HOGA1: variants seen among roughly 807,000 people sequenced by gnomAD.
The protein encoded by HOGA1 is 4-hydroxy-2-oxoglutarate aldolase 1, also known as 4-hydroxy-2-oxoglutarate aldolase, mitochondrial.
HOGA1 carries 30 observed loss-of-function variants against 34.3 expected under a neutral mutation model. The ratio of observed to expected loss-of-function variants is 0.87; its 90% confidence interval spans 0.65 to 1.19. HOGA1 has a LOEUF of 1.19. Among genes scored for constraint, HOGA1 ranks in the 50% most tolerant of loss-of-function variants. The probability of loss-of-function intolerance (pLI) is 0.00; values close to 1 mark genes in which losing one functional copy is unlikely to be tolerated. For missense variants in HOGA1, 417 were observed against 436.5 expected (o/e 0.96, Z 0.40); for synonymous variants, 161 against 174.0 (o/e 0.93, Z 0.59).
chr10:97,607,534 T>C (rs1235468014), intron 6 of HOGA1, among the ~76,000 whole-genome samples: 1 of 152,230 alleles, frequency 6.6e-6, no homozygotes, highest in Non-Finnish European at 1.5e-5. Flanking sequence ...GCTTGCTGAC[T>C]TCTTCAGCTC....
Position 97,612,018 on chromosome 10 carries a change from T to TA in HOGA1, c.*359_*360insA. 5.7e-6 allele frequency: 1 copy of TA among 176,742 alleles called. No individual in the cohort carries two copies. 10.9% of individuals were successfully genotyped at this position (176,742 alleles called of 1,614,324 possible). ...TAGGCACAGTAAGGGAATTTTCTTT[T>TA]CTTTTTTTTTTTTTTTGAGACAGAG... On this transcript the variant is annotated 3_prime_UTR_variant, in exon 7 of 7. Coordinates refer to ENST00000370646, the MANE Select transcript of HOGA1 (RefSeq NM_138413.4).
intron 5 of HOGA1, chr10:97,600,651 A>G (rs549163432): frequency 4.9e-6 from 1 of 205,232 alleles, no homozygotes; most frequent in East Asian, 1.2e-4. Context: ...TGTCACTTAG[A>G]TCAACTGCTC....
chr10:97,600,255 G>A (rs1040324329), intron 5 of HOGA1, 92 bp downstream of exon 5: 39 of 1,098,236 alleles, frequency 3.6e-5, no homozygotes, highest in African/African-American at 9.2e-5. Context: ...GGCTGGGGCT[G>A]GGTCTGCAGA....
At position 97,584,540 on chromosome 10, in the gene HOGA1, CT is replaced by C. The variant is rs1457777745; in HGVS notation, c.-163del. The C allele has an allele frequency of 6.0e-6, 4 of 663,876 alleles. No homozygotes were observed. Among genetic ancestry groups the C allele is most frequent in the African/African-American group, 3.6e-5 (2 of 55,632 alleles). 41.1% of individuals were successfully genotyped at this position (663,876 alleles called of 1,614,324 possible). On this transcript the variant is annotated 5_prime_UTR_variant, in exon 1 of 7. Coordinates refer to ENST00000370646, the MANE Select transcript of HOGA1 (RefSeq NM_138413.4). ...CCCCTGGGGCCTATAGGCCTTGCCCCTGACCCTGGGAACACCCAGCTCAGGC... is the reference window on the plus strand; with the variant it reads ...CCCCTGGGGCCTATAGGCCTTGCCCCGACCCTGGGAACACCCAGCTCAGGC...
chr10:97,584,778 G>A lies in HOGA1; in HGVS notation c.75G>A (p.Trp25Ter), dbSNP rs1267512916. The change falls in exon 1 of 7, where the codon TGG becomes TGA. Residue 25 changes from tryptophan to a stop codon, truncating the protein, a stop_gained. Transcript: ENST00000370646. LOFTEE classifies it high-confidence loss of function. ...GCTTGTCCAGGAATGTGGGGGTCTG[G>A]GCCTCAGGGGAGGGGAAGAAGGTGG... is the stretch of plus-strand genomic sequence containing the variant. ...SRSLSRNVGV[W>*]ASGEGKKVDI... is the part of the protein sequence containing the mutation. The A allele has an allele frequency of 1.2e-6, 2 of 1,613,734 alleles. No homozygotes were observed. Among genetic ancestry groups the A allele is most frequent in the East Asian group, 4.5e-5 (2 of 44,892 alleles).
At position 97,593,483 on chromosome 10, in the gene HOGA1, A is replaced by C. The variant is rs566012914; in HGVS notation, c.212-5292A>C. Among the ~76,000 whole-genome samples, 11 of 152,334 alleles carry C rather than the reference A, an allele frequency of 7.2e-5. No individual in the cohort carries two copies. In the East Asian group the frequency reaches 1.9e-3, roughly 27 times the overall value. On this transcript the variant is annotated intron_variant, in intron 1 of 6. Coordinates refer to ENST00000370646, the MANE Select transcript of HOGA1 (RefSeq NM_138413.4). ...CAGAGCCAGACTCTGTCTCAAAAAAAACATAAAAAAGAAAAAAATAAATAA... is the reference window on the plus strand; with the variant it reads ...CAGAGCCAGACTCTGTCTCAAAAAACACATAAAAAAGAAAAAAATAAATAA...
intron 6 of HOGA1, among the ~76,000 whole-genome samples, chr10:97,604,396 C>T (rs1231012929): frequency 1.3e-5 from 2 of 152,176 alleles, no homozygotes; most frequent in African/African-American, 4.8e-5. Context: ...GATCATTGCT[C>T]ATTGCAGCCT....
chr10:97,605,899 A>T (rs1048033295), intron 6 of HOGA1, among the ~76,000 whole-genome samples: 1 of 152,078 alleles, frequency 6.6e-6, no homozygotes, highest in African/African-American at 2.4e-5. Context: ...TTACCTTAAT[A>T]GGTCTTTTGC....
intron 1 of HOGA1, among the ~76,000 whole-genome samples, chr10:97,596,611 A>G (rs968453535): frequency 2.0e-5 from 3 of 151,900 alleles, no homozygotes; most frequent in African/African-American, 7.3e-5. Flanking sequence ...TGCTAGCCTG[A>G]CACACAGGAA....
rs999991276 is a variant in HOGA1 at position 97,603,065 on chromosome 10, A to G, written c.834+1075A>G. 6.6e-6 allele frequency among the ~76,000 whole-genome samples: 1 copy of G among 152,078 alleles called. No homozygotes were observed. Among genetic ancestry groups the G allele is most frequent in the African/African-American group, 2.4e-5 (1 of 41,396 alleles). On this transcript the variant is annotated intron_variant, in intron 6 of 6. Coordinates refer to ENST00000370646, the MANE Select transcript of HOGA1 (RefSeq NM_138413.4). This position sits in a 1 kb window ranked among gnomAD's most constrained non-coding sequence, Gnocchi z 4.5. The stretch of plus-strand genomic sequence containing the variant: ...TTCCCAGGCTGGAGTGCAGTGGCAC[A>G]ATCTTGGCCCACTGCAACCTCCGCC...
At chr10:97,610,805 T>A (rs10882968) in intron 6 of HOGA1, among the ~76,000 whole-genome samples, 52,919 of 151,464 alleles carry the variant, frequency 0.35, 11,317 homozygotes, top group Non-Finnish European at 0.5. Context: ...CTCAAAAAAA[T>A]AAATAAATAA....
chr10:97,601,605 C>T (rs536430412), intron 5 of HOGA1, among the ~76,000 whole-genome samples: 3 of 152,334 alleles, frequency 2.0e-5, no homozygotes, highest in East Asian at 1.9e-4. Context: ...CACTTTCAGG[C>T]TCTGCTCCCT....
At chr10:97,601,120 G>A (rs764913035) in intron 5 of HOGA1, among the ~76,000 whole-genome samples, 3 of 152,116 alleles carry the variant, frequency 2.0e-5, no homozygotes, top group African/African-American at 7.2e-5. Flanking sequence ...GCTGTAGCGC[G>A]CCTGGGACAC....
Position 97,600,058 on chromosome 10 carries a change from C to T in HOGA1, c.604-9C>T, listed in dbSNP as rs1411192106. ...GGGCACAGCTCTCACACCACATTTGCTGTTGCAGGTGACCAGGATTGGGCT... is the reference window on the plus strand; with the variant it reads ...GGGCACAGCTCTCACACCACATTTGTTGTTGCAGGTGACCAGGATTGGGCT... On this transcript the variant is annotated splice_polypyrimidine_tract_variant and intron_variant, in intron 4 of 6. Coordinates refer to ENST00000370646, the MANE Select transcript of HOGA1 (RefSeq NM_138413.4). The T allele has an allele frequency of 6.2e-7, 1 of 1,613,010 alleles. No homozygotes were observed. The highest frequency in any genetic ancestry group is 2.2e-5 in the East Asian group (1 of 44,874).
rs1977641 is a variant in HOGA1 at position 97,612,219 on chromosome 10, T to C, written c.*560T>C. ...TTCACCGTGTTGGCCAGGCTGGTCT[T>C]GAACTCCTGACCTCAGGTGATCCAA... On this transcript the variant is annotated 3_prime_UTR_variant, in exon 7 of 7. Transcript: ENST00000370646. 0.4 allele frequency: 60,493 copies of C among 153,032 alleles called. 13,007 individuals carry two copies. Among genetic ancestry groups the C allele is most frequent in the African/African-American group, 0.58 (24,033 of 41,320 alleles). 9.5% of individuals were successfully genotyped at this position (153,032 alleles called of 1,614,324 possible).
chr10:97,599,546 C>T (rs926911686), intron 3 of HOGA1, 134 bp from the exon 4 acceptor site: 58 of 1,133,118 alleles, frequency 5.1e-5, no homozygotes, highest in African/African-American at 1.5e-4. Context: ...ACTCGGGGCA[C>T]GTAGCATGGG....
intron 1 of HOGA1, among the ~76,000 whole-genome samples, chr10:97,588,571 G>T (rs181006937): frequency 2.0e-5 from 3 of 152,250 alleles, no homozygotes; most frequent in African/African-American, 7.2e-5. Flanking sequence ...TTACAGAAGG[G>T]CTCTATGGCC....
chr10:97,590,868 A>G, intron 1 of HOGA1: 1 of 467,924 alleles, frequency 2.1e-6, no homozygotes. Flanking sequence ...GACAGATGGG[A>G]GCAGGCAAGA....
chr10:97,590,833 G>A (rs1232265014), intron 1 of HOGA1: 2 of 550,642 alleles, frequency 3.6e-6, no homozygotes, highest in East Asian at 3.1e-5. Flanking sequence ...TAGACCCTGA[G>A]GCCCCTGAAG....
Sources: gnomAD v4.1 joint callset for allele counts (sites outside exome capture counted in the v4.1 genomes callset) on GRCh38, gnomAD v4.1.1 for gene constraint, Gnocchi (gnomAD v3.1) non-coding constraint, MANE v1.5 for transcripts, NCBI Gene and HGNC (gene_info 2026-07-23, HGNC 2026-07-21) for gene names.